PLAGL1: variants seen among roughly 807,000 people sequenced by gnomAD.
PLAGL1 encodes the protein PLAG1 like zinc finger 1, also known as zinc finger protein PLAGL1.
Under a neutral mutation model 4.6 loss-of-function variants are expected in PLAGL1, and 1 was observed. That is an observed-to-expected ratio of 0.22 (90% CI 0.08 to 1.03). The LOEUF is 1.03. Among genes scored for constraint, PLAGL1 ranks in the 50% least tolerant of loss-of-function variants. PLAGL1 has a pLI of 0.58. For missense variants in PLAGL1, 464 were observed against 570.4 expected (o/e 0.81, Z 1.90); for synonymous variants, 240 against 237.8 (o/e 1.01, Z -0.08).
chr6:144,044,887 T>A (rs921946184), intron 1 of PLAGL1, among the ~76,000 whole-genome samples: 4 of 152,204 alleles, frequency 2.6e-5, no homozygotes, highest in African/African-American at 9.6e-5. Flanking sequence ...TTAGGATAGT[T>A]AGCTCTTCTT....
chr6:144,002,132 T>C (rs1380156213), intron 1 of PLAGL1, among the ~76,000 whole-genome samples: 1 of 152,172 alleles, frequency 6.6e-6, no homozygotes, highest in African/African-American at 2.4e-5. Context: ...GAGAGGAAGC[T>C]GGGTGAAGGG....
intron 1 of PLAGL1, among the ~76,000 whole-genome samples, chr6:144,018,735 A>G (rs1034787646): frequency 1.3e-5 from 2 of 152,250 alleles, no homozygotes; most frequent in Non-Finnish European, 2.9e-5. Context: ...AAAAGTTAAT[A>G]TCACCAGTAA....
chr6:144,021,185 G>A (rs1160803501), intron 1 of PLAGL1, among the ~76,000 whole-genome samples: 4 of 152,022 alleles, frequency 2.6e-5, no homozygotes, highest in Non-Finnish European at 4.4e-5. Context: ...AAACCTATGC[G>A]GTTTGAGCAA....
rs1194197320 is a variant in PLAGL1 at position 143,968,147 on chromosome 6, CA to C, written c.-472+759del. 1 of 151,958 alleles carries C rather than the reference CA, an allele frequency of 6.6e-6. No individual in the cohort carries two copies. The highest frequency in any genetic ancestry group is 1.9e-4 in the East Asian group (1 of 5,188). The allele number at this position is 151,958 out of a possible 1,614,324, so 9.4% of individuals were successfully genotyped here. A position where few individuals can be genotyped will look rare whatever the true frequency, so the allele number is the denominator to read the frequency against. On this transcript the variant is annotated intron_variant, in intron 3 of 7. Coordinates refer to ENST00000674357, the MANE Select transcript of PLAGL1 (RefSeq NM_001317162.2). This position sits in a 1 kb window ranked among gnomAD's most constrained non-coding sequence, Gnocchi z 6.3. ...GTATGGGACAGGGAAAAACAACAAA[CA>C]TGTTAGATATGAAATTTAAGGCTGG...
At position 143,962,695 on chromosome 6, in the gene PLAGL1, A is replaced by T. The variant is rs1783626016; in HGVS notation, c.-399+2092T>A. ...TTAGCCGCCTGCTGGGCATTCACTG[A>T]AACCCACATTGAACAAAGGGATTTC... On this transcript the variant is annotated intron_variant, in intron 5 of 7. Coordinates refer to ENST00000674357, the MANE Select transcript of PLAGL1 (RefSeq NM_001317162.2). This position sits in a 1 kb window ranked among gnomAD's most constrained non-coding sequence, Gnocchi z 5.3. Among the ~76,000 whole-genome samples, 1 of 152,228 alleles carries T rather than the reference A, an allele frequency of 6.6e-6. No homozygotes were observed. The highest frequency in any genetic ancestry group is 1.5e-5 in the Non-Finnish European group (1 of 68,038).
intron 2 of PLAGL1, among the ~76,000 whole-genome samples, chr6:143,981,909 C>T (rs1425050539): frequency 6.6e-6 from 1 of 152,160 alleles, no homozygotes; most frequent in Non-Finnish European, 1.5e-5. Flanking sequence ...ACTTTCCTAT[C>T]TTTGTGGGAT....
rs1791478769 is a variant in PLAGL1, at chr6:143,995,794, G to T, written c.-583-10620C>A. Among the ~76,000 whole-genome samples the T allele has an allele frequency of 6.6e-6, 1 of 151,898 alleles. No homozygotes were observed. Among genetic ancestry groups the T allele is most frequent in the Non-Finnish European group, 1.5e-5 (1 of 67,994 alleles). ...GGATGAAAGAGAAAATTTAACACTTGATGGGCTCAAATCTTAATTATAAAA... is the reference window on the plus strand; with the variant it reads ...GGATGAAAGAGAAAATTTAACACTTTATGGGCTCAAATCTTAATTATAAAA... On this transcript the variant is annotated intron_variant, in intron 1 of 7. Transcript: ENST00000674357. This position sits in a 1 kb window ranked among gnomAD's most constrained non-coding sequence, Gnocchi z 4.4.
At chr6:144,002,505 C>T (rs1356505882) in intron 1 of PLAGL1, among the ~76,000 whole-genome samples, 2 of 151,966 alleles carry the variant, frequency 1.3e-5, no homozygotes, top group Admixed American at 6.6e-5. Flanking sequence ...GATGGCATGA[C>T]AGCACATTAA....
intron 1 of PLAGL1, among the ~76,000 whole-genome samples, chr6:143,993,371 A>C (rs1790950356): frequency 9.7e-6 from 1 of 103,614 alleles, no homozygotes; most frequent in Non-Finnish European, 2.2e-5. Flanking sequence ...CACACACACA[A>C]TTGACATGTG....
At chr6:143,991,714 C>T (rs974649506) in intron 1 of PLAGL1, among the ~76,000 whole-genome samples, 5 of 152,248 alleles carry the variant, frequency 3.3e-5, no homozygotes, top group African/African-American at 1.2e-4. Flanking sequence ...AGGCTATGCT[C>T]CTGGTTCCCA....
At chr6:144,010,163 C>T (rs533348831), upstream of PLAGL1, among the ~76,000 whole-genome samples, 3 of 152,348 alleles carry the variant, frequency 2.0e-5, no homozygotes, top group Non-Finnish European at 4.4e-5. The surrounding 1 kb of genome is among the most constrained non-coding windows in gnomAD (Gnocchi z 4.1). Context: ...TATTTCTCCA[C>T]ATCCTCTCCA....
At chr6:144,062,995 G>A (rs996984089) in intron 1 of PLAGL1, among the ~76,000 whole-genome samples, 1 of 152,104 alleles carries the variant, frequency 6.6e-6, no homozygotes, top group African/African-American at 2.4e-5. Flanking sequence ...ATCCTCCACC[G>A]GCTGGAGCTG....
At chr6:144,017,686 C>G in intron 1 of PLAGL1, among the ~76,000 whole-genome samples, 1 of 152,252 alleles carries the variant, frequency 6.6e-6, no homozygotes, top group South Asian at 2.1e-4. Flanking sequence ...CTTAGAATTC[C>G]TTCACTTCCT....
At position 143,955,464 on chromosome 6, in the gene PLAGL1, T is replaced by C. The variant is rs780632408; in HGVS notation, c.-325+5005A>G. ...TTTAGTCAAGTCCAGCCACAAACTC[T>C]TGAATTTATGTGGAGATGCAGTGAG... On this transcript the variant is annotated intron_variant, in intron 6 of 7. Coordinates refer to ENST00000674357, the MANE Select transcript of PLAGL1 (RefSeq NM_001317162.2). The surrounding 1 kb of genome is among the most constrained non-coding windows in gnomAD (Gnocchi z 4.9). 1.3e-5 allele frequency among the ~76,000 whole-genome samples: 2 copies of C among 152,154 alleles called. No individual in the cohort carries two copies. Among genetic ancestry groups the C allele is most frequent in the African/African-American group, 2.4e-5 (1 of 41,436 alleles).
At chr6:144,051,416 G>A (rs1171771795) in intron 1 of PLAGL1, among the ~76,000 whole-genome samples, 1 of 152,120 alleles carries the variant, frequency 6.6e-6, no homozygotes, top group Admixed American at 6.5e-5. Context: ...CACCATGCAT[G>A]AGGCACACAC....
intron 1 of PLAGL1, among the ~76,000 whole-genome samples, chr6:144,031,592 T>C (rs1282424699): frequency 1.3e-5 from 2 of 152,222 alleles, no homozygotes; most frequent in Admixed American, 1.3e-4. Flanking sequence ...CCCAGCACCA[T>C]TTGTTGAATA....
Position 144,035,159 on chromosome 6 carries a change from A to C in PLAGL1, c.-151+29309T>G, listed in dbSNP as rs917359113. Among the ~76,000 whole-genome samples the C allele has an allele frequency of 3.9e-4, 59 of 152,176 alleles. 3 individuals carry two copies. The highest frequency in any genetic ancestry group is 6.5e-5 in the Admixed American group (1 of 15,286). On this transcript the variant is annotated intron_variant, in intron 1 of 3. Transcript: ENST00000437412. ...AACTAATAGGATAGATGTATATATG[A>C]GAGGGAGTTTATTAAGGAGAATTGA...
At chr6:144,057,701 TG>T (rs1799076990) in intron 1 of PLAGL1, among the ~76,000 whole-genome samples, 1 of 152,020 alleles carries the variant, frequency 6.6e-6, no homozygotes, top group African/African-American at 2.4e-5. Flanking sequence ...TCTAAGTAGC[TG>T]TGCCCGAAGA....
intron 1 of PLAGL1, among the ~76,000 whole-genome samples, chr6:143,999,828 A>T (rs1266113830): frequency 6.6e-6 from 1 of 151,688 alleles, no homozygotes; most frequent in East Asian, 1.9e-4. Flanking sequence ...AAATAACCTA[A>T]CACTAAGTAA....
Sources: gnomAD v4.1 joint callset for allele counts (sites outside exome capture counted in the v4.1 genomes callset) on GRCh38, gnomAD v4.1.1 for gene constraint, Gnocchi (gnomAD v3.1) non-coding constraint, MANE v1.5 for transcripts, NCBI Gene and HGNC (gene_info 2026-07-23, HGNC 2026-07-21) for gene names.